REPS2: variants seen among roughly 807,000 people sequenced by gnomAD.
REPS2 encodes the protein RALBP1 associated Eps domain containing 2, also known as ralBP1-associated Eps domain-containing protein 2.
In REPS2, 23 loss-of-function variants were observed where a neutral mutation model predicts 53.6. That is an observed-to-expected ratio of 0.43 (90% CI 0.31 to 0.61). The LOEUF is 0.61. Among genes scored for constraint, REPS2 ranks in the 20% least tolerant of loss-of-function variants. The probability of loss-of-function intolerance (pLI) is 0.11; values close to 1 mark genes in which losing one functional copy is unlikely to be tolerated. For missense variants in REPS2, 446 were observed against 534.9 expected (o/e 0.83, Z 1.64); for synonymous variants, 238 against 218.6 (o/e 1.09, Z -0.78).
At chrX:17,062,286 A>G in intron 8 of REPS2, 152 bp from the exon 9 acceptor site, 1 of 419,193 alleles carries the variant, frequency 2.4e-6, no homozygotes, top group South Asian at 4.2e-5. Context: ...AAGAACTGAA[A>G]GTACTACCTC....
In REPS2 at chrX:16,946,867, GGCGGCA is replaced by G. The variant is rs1360168254; in HGVS notation, c.12_17del (p.Ala16_Ala17del). Reference sequence around the variant, plus strand: ...CGCGCCCCCTTGCTGGCCCCATGGAGGCGGCAGCGGCGGCGGCGGCGGCGGCAGCGG... The same window carrying G: ...CGCGCCCCCTTGCTGGCCCCATGGAGGCGGCGGCGGCGGCGGCGGCAGCGG... On this transcript the variant is annotated inframe_deletion, in exon 1 of 18. Transcript: ENST00000357277. 9.2e-6 allele frequency: 7 copies of G among 760,901 alleles called. No homozygotes were observed. Among genetic ancestry groups the G allele is most frequent in the Admixed American group, 8.7e-5 (1 of 11,508 alleles). 62.7% of individuals were successfully genotyped at this position (760,901 alleles called of 1,213,427 possible).
intron 14 of REPS2, among the ~76,000 whole-genome samples, 195 bp downstream of exon 14, chrX:17,103,974 G>A (rs952887128): frequency 2.7e-5 from 3 of 111,200 alleles, no homozygotes; most frequent in African/African-American, 6.6e-5. Context: ...AAGAGAGAAA[G>A]TTTCCTCAAT....
chrX:17,090,291 A>G (rs776542616), intron 13 of REPS2, among the ~76,000 whole-genome samples: 8 of 112,552 alleles, frequency 7.1e-5, no homozygotes, highest in Non-Finnish European at 1.5e-4. Context: ...TGGCCGGGGA[A>G]GCCTCACAAT....
chrX:16,982,848 C>T (rs1301076892), intron 1 of REPS2, among the ~76,000 whole-genome samples: 3 of 112,010 alleles, frequency 2.7e-5, no homozygotes, highest in East Asian at 5.6e-4. Context: ...GGGGCAGAGC[C>T]CTCATAGATT....
rs958509985 is a variant in REPS2, at chrX:17,042,291, G to A, written c.772-5056G>A. ...CCTCTTTAGGGTGCATGCAAAAGTG[G>A]AGCTTTTCCTGGTCCTGGCTTCTAC... is the stretch of plus-strand genomic sequence containing the variant. On this transcript the variant is annotated intron_variant, in intron 5 of 17. Coordinates refer to ENST00000357277, the MANE Select transcript of REPS2 (RefSeq NM_004726.3). Among the ~76,000 whole-genome samples the A allele has an allele frequency of 2.7e-5, 3 of 111,827 alleles. No homozygotes were observed. The Admixed American group carries it at 2.9e-4, about 11-fold the overall frequency.
intron 14 of REPS2, among the ~76,000 whole-genome samples, chrX:17,114,411 C>G (rs760243341): frequency 9.0e-6 from 1 of 111,721 alleles, no homozygotes; most frequent in Non-Finnish European, 1.9e-5. Flanking sequence ...GTGAAGGTCT[C>G]CAGATGGTTC....
chrX:17,002,780 C>A, intron 1 of REPS2, among the ~76,000 whole-genome samples: 1 of 111,917 alleles, frequency 8.9e-6, no homozygotes, highest in Non-Finnish European at 1.9e-5. Flanking sequence ...TTCTCCTGGG[C>A]TATGAGGGCT....
chrX:16,965,971 G>A (rs932018542), intron 1 of REPS2, among the ~76,000 whole-genome samples: 32 of 112,679 alleles, frequency 2.8e-4, no homozygotes, highest in African/African-American at 9.0e-4. Context: ...CCAGTCAGGC[G>A]TGGCGGCGCG....
rs186852498 is a variant in REPS2, at chrX:16,960,496, C to A, written c.273+13362C>A. On this transcript the variant is annotated intron_variant, in intron 1 of 17. Coordinates refer to ENST00000357277, the MANE Select transcript of REPS2 (RefSeq NM_004726.3). ...AGTTTAAAAGGGAATTTCCTCAACACATTAAAGACCATTTATGTAGAGTCC... is the reference window on the plus strand; with the variant it reads ...AGTTTAAAAGGGAATTTCCTCAACAAATTAAAGACCATTTATGTAGAGTCC... Among the ~76,000 whole-genome samples the A allele has an allele frequency of 3.2e-3, 365 of 112,582 alleles. 2 individuals are homozygous for A. The highest frequency in any genetic ancestry group is 0.014 in the Middle Eastern group (3 of 218).
At chrX:16,992,946 G>T (rs894892457) in intron 1 of REPS2, among the ~76,000 whole-genome samples, 1 of 111,939 alleles carries the variant, frequency 8.9e-6, no homozygotes, top group Non-Finnish European at 1.9e-5. Context: ...GAGTCTTGTG[G>T]GGAGGAAAAC....
downstream of REPS2, among the ~76,000 whole-genome samples, chrX:17,156,744 G>A (rs1281982575): frequency 3.6e-5 from 4 of 111,433 alleles, no homozygotes; most frequent in Non-Finnish European, 7.5e-5. Context: ...GAAAGATAAT[G>A]CATAGGGAAT....
chrX:16,968,075 T>C (rs1454731489), intron 1 of REPS2, among the ~76,000 whole-genome samples: 1 of 111,107 alleles, frequency 9.0e-6, no homozygotes, highest in African/African-American at 3.3e-5. Context: ...AGCATCTGTT[T>C]AACAAAGCAC....
At chrX:17,017,754 A>G (rs1490402702) in intron 2 of REPS2, among the ~76,000 whole-genome samples, 3 of 112,217 alleles carry the variant, frequency 2.7e-5, no homozygotes, top group South Asian at 3.6e-4. Flanking sequence ...ATTCCCATGT[A>G]GCAACTATCA....
intron 1 of REPS2, among the ~76,000 whole-genome samples, chrX:16,995,568 A>G (rs1344759366): frequency 8.9e-6 from 1 of 112,331 alleles, no homozygotes; most frequent in Non-Finnish European, 1.9e-5. Context: ...ATAGATGTTC[A>G]ATAAATGTTG....
At chrX:17,168,356 A>G in the REPS2 span, among the ~76,000 whole-genome samples, 1 of 111,566 alleles carries the variant, frequency 9.0e-6, no homozygotes, top group East Asian at 2.8e-4. Flanking sequence ...TATACAAAAA[A>G]TACAAAAATT....
chrX:17,068,536 G>GAAGCCACCATTCCAAGA, intron 10 of REPS2, 65 bp downstream of exon 10: 1 of 902,563 alleles, frequency 1.1e-6, no homozygotes, highest in Non-Finnish European at 1.6e-6. Flanking sequence ...TACTCCTCTT[G>GAAGCCACCATTCCAAGA]GAATGGTGGC....
At position 16,983,795 on chromosome X, in the gene REPS2, A is replaced by G. The variant is rs112817761; in HGVS notation, c.274-22426A>G. Reference sequence around the variant, plus strand: ...GCTGGGATTACAGGCATGAGCCACCATGCCCGGCCCTCCATTTTGTTTTTG... The same window carrying G: ...GCTGGGATTACAGGCATGAGCCACCGTGCCCGGCCCTCCATTTTGTTTTTG... On this transcript the variant is annotated intron_variant, in intron 1 of 17. Coordinates refer to ENST00000357277, the MANE Select transcript of REPS2 (RefSeq NM_004726.3). Among the ~76,000 whole-genome samples the G allele has an allele frequency of 5.4e-3, 613 of 112,832 alleles. 5 individuals carry two copies. Among genetic ancestry groups the G allele is most frequent in the African/African-American group, 0.019 (589 of 31,091 alleles).
the REPS2 span, among the ~76,000 whole-genome samples, chrX:17,176,058 T>C: frequency 1.8e-5 from 2 of 111,806 alleles, no homozygotes; most frequent in Non-Finnish European, 3.8e-5. Flanking sequence ...CACGTCTTGG[T>C]TGGGGGGGCT....
At chrX:17,028,866 G>A (rs1410821915) in intron 4 of REPS2, among the ~76,000 whole-genome samples, 4 of 111,867 alleles carry the variant, frequency 3.6e-5, no homozygotes, top group Non-Finnish European at 7.5e-5. Context: ...ATGTTTAACT[G>A]TCTCCCTGCC....
Sources: gnomAD v4.1 joint callset for allele counts (sites outside exome capture counted in the v4.1 genomes callset) on GRCh38, gnomAD v4.1.1 for gene constraint, MANE v1.5 for transcripts, NCBI Gene and HGNC (gene_info 2026-07-23, HGNC 2026-07-21) for gene names.